The following NRG4 variants were observed in gnomAD, a reference collection of about 807,000 sequenced individuals.
NRG4 encodes neuregulin 4.
In NRG4, 10 loss-of-function variants were observed where a neutral mutation model predicts 15.0. That is an observed-to-expected ratio of 0.67 (90% CI 0.41 to 1.13). The LOEUF is 1.13. Among genes scored for constraint, NRG4 ranks in the 50% most tolerant of loss-of-function variants. NRG4 has a pLI of 0.00. For missense variants in NRG4, 139 were observed against 140.2 expected (o/e 0.99, Z 0.04); for synonymous variants, 41 against 50.1 (o/e 0.82, Z 0.77).
intron 4 of NRG4, among the ~76,000 whole-genome samples, chr15:76,041,685 C>T (rs985022847): frequency 1.3e-5 from 2 of 151,986 alleles, no homozygotes; most frequent in Admixed American, 1.3e-4. Flanking sequence ...ATATATAGAG[C>T]AAATATTTGA....
chr15:75,998,379 G>A (rs986034527), intron 3 of NRG4, among the ~76,000 whole-genome samples: 2 of 152,170 alleles, frequency 1.3e-5, no homozygotes, highest in African/African-American at 4.8e-5. Flanking sequence ...ATCATTGAAA[G>A]ATTGATAGTG....
At chr15:75,961,995 T>C (rs747113072) in intron 3 of NRG4, 21 bp from the exon 4 acceptor site, 1 of 1,578,434 alleles carries the variant, frequency 6.3e-7, no homozygotes, top group Admixed American at 1.8e-5. Flanking sequence ...AAATTTTAGA[T>C]AAAGAATTGC....
chr15:76,045,109 A>C (rs1285546872), intron 4 of NRG4, among the ~76,000 whole-genome samples: 1 of 150,988 alleles, frequency 6.6e-6, no homozygotes, highest in African/African-American at 2.5e-5. Context: ...AAACCTGATA[A>C]TCTGGTATTA....
intron 5 of NRG4, among the ~76,000 whole-genome samples, chr15:76,027,374 A>G (rs2035342604): frequency 6.6e-6 from 1 of 152,098 alleles, no homozygotes; most frequent in Non-Finnish European, 1.5e-5. Flanking sequence ...AGAATATAAC[A>G]GTCGTAAATA....
At chr15:75,989,883 T>C (rs534801245) in intron 3 of NRG4, among the ~76,000 whole-genome samples, 4 of 152,330 alleles carry the variant, frequency 2.6e-5, no homozygotes, top group South Asian at 4.1e-4. Flanking sequence ...TTAAAGAGCA[T>C]TGAACTTTGC....
At chr15:75,940,324 T>C (rs2030815078), downstream of NRG4, 1 of 151,628 alleles carries the variant, frequency 6.6e-6, no homozygotes, top group Admixed American at 6.6e-5. Context: ...CTACAAAACA[T>C]TGCTTCAATA....
At chr15:75,953,210 G>A (rs961279668) in intron 5 of NRG4, among the ~76,000 whole-genome samples, 7 of 152,026 alleles carry the variant, frequency 4.6e-5, no homozygotes, top group African/African-American at 1.4e-4. Context: ...GGTATGTAGG[G>A]GTTTAAATCC....
At position 75,941,036 on chromosome 15, in the gene NRG4, G is replaced by T. The variant is rs574383371; in HGVS notation, c.*2602C>A. On this transcript the variant is annotated 3_prime_UTR_variant, in exon 6 of 6. Transcript: ENST00000394907. Reference sequence around the variant, plus strand: ...TGGGAGGAAATAATATGCAGTTCACGTACCTAATAAGGATTAAACATCCAG... The same window carrying T: ...TGGGAGGAAATAATATGCAGTTCACTTACCTAATAAGGATTAAACATCCAG... 6.6e-6 allele frequency: 1 copy of T among 152,188 alleles called. No homozygotes were observed. The highest frequency in any genetic ancestry group is 2.1e-4 in the South Asian group (1 of 4,826). 9.4% of individuals were successfully genotyped at this position (152,188 alleles called of 1,614,324 possible). A position where few individuals can be genotyped will look rare whatever the true frequency, so the allele number is the denominator to read the frequency against.
At position 76,028,903 on chromosome 15, in the gene NRG4, C is replaced by CAGA. The variant is rs1167656818; in HGVS notation, c.-57+7040_-57+7041insTCT. Among the ~76,000 whole-genome samples, 493 of 54,332 alleles carry CAGA rather than the reference C, an allele frequency of 9.1e-3. 7 individuals carry two copies. Among genetic ancestry groups the CAGA allele is most frequent in the African/African-American group, 0.032 (469 of 14,866 alleles). The allele number at this position is 54,332 out of a possible 152,430, so 35.6% of individuals were successfully genotyped here. A position where few individuals can be genotyped will look rare whatever the true frequency, so the allele number is the denominator to read the frequency against. ...GGGTGGCAGAGTGAGACTCCTCCTC[C>CAGA]AAAAAAAAAAAAAAAAAAAAAAAAC... On this transcript the variant is annotated intron_variant, in intron 5 of 8. Transcript: ENST00000563910.
intron 3 of NRG4, among the ~76,000 whole-genome samples, chr15:75,997,287 G>A (rs1281502071): frequency 6.6e-6 from 1 of 151,746 alleles, no homozygotes; most frequent in Non-Finnish European, 1.5e-5. Flanking sequence ...GATATATATT[G>A]CAAAGATATT....
At chr15:76,020,821 CA>C (rs550411744) in intron 5 of NRG4, among the ~76,000 whole-genome samples, 187 of 152,274 alleles carry the variant, frequency 1.2e-3, no homozygotes, top group Non-Finnish European at 2.3e-3. Flanking sequence ...TTGAAGCTAG[CA>C]GAGGTTGGTT....
At chr15:76,012,992 A>T (rs1162687574), upstream of NRG4, among the ~76,000 whole-genome samples, 1 of 152,216 alleles carries the variant, frequency 6.6e-6, no homozygotes, top group Non-Finnish European at 1.5e-5. Context: ...AAGTTTTAAA[A>T]ATCATAAACA....
rs534262911 is a variant in NRG4 at position 76,040,551 on chromosome 15, T to C, written c.-104-4560A>G. ...GTAAGTACACAGAAAACAGAGACTTTTATAACACTGAACTGTGGTGTGTAA... is the reference window on the plus strand; with the variant it reads ...GTAAGTACACAGAAAACAGAGACTTCTATAACACTGAACTGTGGTGTGTAA... On this transcript the variant is annotated intron_variant, in intron 4 of 8. Transcript: ENST00000563910. Among the ~76,000 whole-genome samples, 42 of 152,298 alleles carry C rather than the reference T, an allele frequency of 2.8e-4. No individual in the cohort carries two copies. The East Asian group carries it at 3.9e-3, about 14-fold the overall frequency.
intron 4 of NRG4, among the ~76,000 whole-genome samples, chr15:76,036,303 G>T (rs889876780): frequency 6.6e-6 from 1 of 152,178 alleles, no homozygotes; most frequent in Non-Finnish European, 1.5e-5. Context: ...TATGTAAAAT[G>T]TTTAAGCAAT....
In NRG4 at chr15:75,941,126, A is replaced by T. The variant is rs971678287; in HGVS notation, c.*2512T>A. The T allele has an allele frequency of 1.3e-5, 2 of 152,172 alleles. No homozygotes were observed. Among genetic ancestry groups the T allele is most frequent in the African/African-American group, 4.8e-5 (2 of 41,454 alleles). The allele number at this position is 152,172 out of a possible 1,614,324, so 9.4% of individuals were successfully genotyped here. A position where few individuals can be genotyped will look rare whatever the true frequency, so the allele number is the denominator to read the frequency against. ...AACCTGATTTAAAAAATGGCAAAGG[A>T]TTTGGATAGATCTCCAGAGAGGACA... On this transcript the variant is annotated 3_prime_UTR_variant, in exon 6 of 6. Transcript: ENST00000394907.
chr15:76,055,086 C>A (rs2036121864), intron 2 of NRG4, among the ~76,000 whole-genome samples: 1 of 152,142 alleles, frequency 6.6e-6, no homozygotes, highest in African/African-American at 2.4e-5. Flanking sequence ...TGGAGACCAG[C>A]CTGGCCAACA....
intron 5 of NRG4, among the ~76,000 whole-genome samples, chr15:75,944,607 T>G (rs1187986900): frequency 3.9e-5 from 6 of 152,326 alleles, no homozygotes; most frequent in Non-Finnish European, 7.3e-5. Context: ...ATTAATAAGT[T>G]TTAAAAATAT....
chr15:75,964,195 C>T (rs1189877881), intron 3 of NRG4, among the ~76,000 whole-genome samples: 1 of 152,108 alleles, frequency 6.6e-6, no homozygotes, highest in East Asian at 1.9e-4. Context: ...GACATAGAGA[C>T]CACCATCACA....
At chr15:76,012,456 G>A (rs1048451506), upstream of NRG4, 1 of 152,186 alleles carries the variant, frequency 6.6e-6, no homozygotes, top group African/African-American at 2.4e-5. Flanking sequence ...CAGTGTGGGC[G>A]AGGTCACGCC....
Sources: gnomAD v4.1 joint callset for allele counts (sites outside exome capture counted in the v4.1 genomes callset) on GRCh38, gnomAD v4.1.1 for gene constraint, MANE v1.5 for transcripts, NCBI Gene and HGNC (gene_info 2026-07-23, HGNC 2026-07-21) for gene names.